The following ARAP1 variants were observed in gnomAD, a reference collection of about 807,000 sequenced individuals.
ARAP1 encodes the protein ArfGAP with RhoGAP domain, ankyrin repeat and PH domain 1.
In ARAP1, 76 loss-of-function variants were observed where a neutral mutation model predicts 172.2. That is an observed-to-expected ratio of 0.44 (90% CI 0.37 to 0.53). The LOEUF (loss-of-function observed/expected upper bound fraction) is 0.53. Ranked by LOEUF, ARAP1 falls within the 20% of genes least tolerant of loss-of-function variation. The pLI is 0.00. For synonymous variants in ARAP1, 804 were observed against 803.3 expected (o/e 1.00, Z -0.01); for missense variants, 1,686 against 1,977.5 (o/e 0.85, Z 2.80).
In ARAP1 at chr11:72,710,564, C is replaced by A; in HGVS notation, c.1237G>T (p.Ala413Ser). The change falls in exon 10 of 35, where the codon GCC (alanine) becomes TCC (serine). Residue 413 changes from alanine to serine, a missense_variant. Transcript: ENST00000393609. The surrounding 1 kb of genome is among the most constrained non-coding windows in gnomAD (Gnocchi z 4.3). ...TGCTCAGCCATGGCCTGCTGCAGGG[C>A]CTGCATCCACTCCTTCCGCTCCACT... ...SDVERKEWMQ[A>S]LQQAMAEQRA... 1.2e-6 allele frequency: 2 copies of A among 1,609,284 alleles called. No homozygotes were observed. Among genetic ancestry groups the A allele is most frequent in the Non-Finnish European group, 1.7e-6 (2 of 1,179,708 alleles).
Position 72,710,656 on chromosome 11 carries a change from G to A in ARAP1, c.1214-69C>T, listed in dbSNP as rs1856973660. On this transcript the variant is annotated intron_variant, in intron 9 of 34. Coordinates refer to ENST00000393609, the MANE Select transcript of ARAP1 (RefSeq NM_001040118.3). This position sits in a 1 kb window ranked among gnomAD's most constrained non-coding sequence, Gnocchi z 4.3. ...CCCCTCAGGGGTCTCCTGGCCCTAG[G>A]CTCCTCATGCAACACCTCCTCCAGA... The A allele has an allele frequency of 6.9e-7, 1 of 1,456,022 alleles. No homozygotes were observed. Among genetic ancestry groups the A allele is most frequent in the Non-Finnish European group, 9.2e-7 (1 of 1,091,468 alleles). The allele number at this position is 1,456,022 out of a possible 1,614,324, so 90.2% of individuals were successfully genotyped here.
At chr11:72,747,828 C>A (rs980154061) in intron 1 of ARAP1, among the ~76,000 whole-genome samples, 4 of 152,188 alleles carry the variant, frequency 2.6e-5, no homozygotes, top group African/African-American at 7.2e-5. Context: ...GCAGGATACC[C>A]CTGTACCCTT....
intron 1 of ARAP1, among the ~76,000 whole-genome samples, chr11:72,745,548 C>G (rs936637227): frequency 6.6e-6 from 1 of 151,804 alleles, no homozygotes; most frequent in African/African-American, 2.4e-5. Context: ...TTGCCCAGCT[C>G]ACACATCAAG....
intron 1 of ARAP1, among the ~76,000 whole-genome samples, chr11:72,742,519 A>T (rs1196684967): frequency 6.6e-6 from 1 of 152,112 alleles, no homozygotes; most frequent in Non-Finnish European, 1.5e-5. Flanking sequence ...AGGCCCAGGG[A>T]GGAGAAGGGG....
At position 72,701,789 on chromosome 11, in the gene ARAP1, TA is replaced by T; in HGVS notation, c.2168-7del. 5.0e-6 allele frequency: 8 copies of T among 1,612,892 alleles called. No individual in the cohort carries two copies. The highest frequency in any genetic ancestry group is 5.9e-6 in the Non-Finnish European group (7 of 1,179,272). On this transcript the variant is annotated splice_region_variant and splice_polypyrimidine_tract_variant and intron_variant, in intron 15 of 34. Transcript: ENST00000393609. Reference sequence around the variant, plus strand: ...CGAGTCCAGCCGAGGCACCTCTTTGTAGGCGGGGAAAGGATGGCAGGTCATG... The same window carrying T: ...CGAGTCCAGCCGAGGCACCTCTTTGTGGCGGGGAAAGGATGGCAGGTCATG...
chr11:72,697,290 G>A, intron 21 of ARAP1, 33 bp downstream of exon 21: 1 of 1,573,424 alleles, frequency 6.4e-7, no homozygotes. Context: ...TCTCCGGGAG[G>A]GGCGGGGCTG....
intron 3 of ARAP1, among the ~76,000 whole-genome samples, chr11:72,723,172 G>A (rs1480348718): frequency 3.3e-5 from 5 of 152,124 alleles, no homozygotes; most frequent in Non-Finnish European, 7.4e-5. Flanking sequence ...GCCAGGTGTG[G>A]TAGCACACAC....
At chr11:72,724,441 A>C (rs1219139609) in intron 3 of ARAP1, among the ~76,000 whole-genome samples, 2 of 152,102 alleles carry the variant, frequency 1.3e-5, no homozygotes, top group East Asian at 3.9e-4. Flanking sequence ...GGACTCCCAC[A>C]AGGCGGGGGT....
rs759622826 is a variant in ARAP1, at chr11:72,710,346, G to A, written c.1416+39C>T. 1.6e-5 allele frequency: 25 copies of A among 1,608,332 alleles called. No individual in the cohort carries two copies. The Admixed American group carries it at 1.7e-4, about 11-fold the overall frequency. On this transcript the variant is annotated intron_variant, in intron 10 of 34. Coordinates refer to ENST00000393609, the MANE Select transcript of ARAP1 (RefSeq NM_001040118.3). The surrounding 1 kb of genome is among the most constrained non-coding windows in gnomAD (Gnocchi z 4.3). ...TAGGTCAGCCTGGGGCAGGGTAGGT[G>A]GACATGGGCAGGGGAGAGGTTCCAT... is the stretch of plus-strand genomic sequence containing the variant.
chr11:72,696,709 C>T lies in ARAP1; in HGVS notation c.3167-55G>A, dbSNP rs917711321. ...ACCCCCTGTAACTATCTTCCCCCCACCCCGCCTGGGCTGCTGTGCCTCTCA... is the reference window on the plus strand; with the variant it reads ...ACCCCCTGTAACTATCTTCCCCCCATCCCGCCTGGGCTGCTGTGCCTCTCA... On this transcript the variant is annotated intron_variant, in intron 22 of 34. Transcript: ENST00000393609. The T allele has an allele frequency of 1.4e-5, 20 of 1,453,786 alleles. No individual in the cohort carries two copies. The East Asian group carries it at 4.5e-4, about 32-fold the overall frequency. The allele number at this position is 1,453,786 out of a possible 1,614,324, so 90.1% of individuals were successfully genotyped here.
At chr11:72,698,170 C>T in intron 18 of ARAP1, 64 bp from the exon 19 acceptor site, 2 of 1,485,744 alleles carry the variant, frequency 1.3e-6, no homozygotes, top group Non-Finnish European at 1.8e-6. Flanking sequence ...AATGCCCCAG[C>T]TCCTTGGCTT....
chr11:72,691,343 C>T (rs1467854085), intron 30 of ARAP1, among the ~76,000 whole-genome samples: 1 of 152,152 alleles, frequency 6.6e-6, no homozygotes, highest in East Asian at 1.9e-4. Context: ...CTTCCATGCC[C>T]AGGGATCCAC....
At chr11:72,737,654 A>T (rs1419086235) in intron 1 of ARAP1, among the ~76,000 whole-genome samples, 1 of 147,950 alleles carries the variant, frequency 6.8e-6, no homozygotes. Context: ...AAACAGGGTC[A>T]CTCTGTCACC....
rs767181167 is a variant in ARAP1 at position 72,710,025 on chromosome 11, G to A, written c.1417-49C>T. The A allele has an allele frequency of 1.0e-5, 16 of 1,526,500 alleles. No homozygotes were observed. The highest frequency in any genetic ancestry group is 6.8e-5 in the East Asian group (3 of 44,394). 94.6% of individuals were successfully genotyped at this position (1,526,500 alleles called of 1,614,324 possible). ...GAGGGCAAGGCTTTGGGGGCAGGGC[G>A]TGAGGCTTGGGACAGGGAGAGGAAG... On this transcript the variant is annotated intron_variant, in intron 10 of 34. Coordinates refer to ENST00000393609, the MANE Select transcript of ARAP1 (RefSeq NM_001040118.3). This position sits in a 1 kb window ranked among gnomAD's most constrained non-coding sequence, Gnocchi z 4.3.
Position 72,741,831 on chromosome 11 carries a change from G to A in ARAP1, c.-127-9234C>T, listed in dbSNP as rs534009830. ...CTGCCCCAAGAGGGAAGGGGAGGCC[G>A]CCAACTGACTCCTCTGTGAGCTCAC... On this transcript the variant is annotated intron_variant, in intron 1 of 34. Transcript: ENST00000393609. The surrounding 1 kb of genome is among the most constrained non-coding windows in gnomAD (Gnocchi z 4.5). Among the ~76,000 whole-genome samples, 5 of 152,194 alleles carry A rather than the reference G, an allele frequency of 3.3e-5. No individual in the cohort carries two copies. The highest frequency in any genetic ancestry group is 3.4e-3 in the Middle Eastern group (1 of 294).
chr11:72,731,477 C>T (rs534390699), intron 2 of ARAP1, among the ~76,000 whole-genome samples: 24 of 152,308 alleles, frequency 1.6e-4, no homozygotes, highest in East Asian at 5.8e-4. Flanking sequence ...TGCCTGCTCC[C>T]GCTTTGCCTT....
At chr11:72,706,017 G>C (rs1421232827) in intron 12 of ARAP1, 127 bp from the exon 13 acceptor site, 2 of 819,912 alleles carry the variant, frequency 2.4e-6, no homozygotes, top group Admixed American at 5.0e-5. Flanking sequence ...GGGTAGGCCT[G>C]CTGGCAGCTC....
chr11:72,734,197 T>G (rs564783255), intron 1 of ARAP1, among the ~76,000 whole-genome samples: 1 of 152,226 alleles, frequency 6.6e-6, no homozygotes, highest in South Asian at 2.1e-4. Context: ...CATAGCTTAC[T>G]GCAACTTCCA....
rs762861643 is a variant in ARAP1 at position 72,685,967 on chromosome 11, A to G, written c.4335+75T>C. 8.1e-6 allele frequency: 13 copies of G among 1,607,954 alleles called. No individual in the cohort carries two copies. In the South Asian group the frequency reaches 1.4e-4, roughly 18 times the overall value. Reference sequence around the variant, plus strand: ...ATCGGGGAGGGCAATCAGGGCAATCATCTACTGTGGAGTAGAAGGCAGGCA... The same window carrying G: ...ATCGGGGAGGGCAATCAGGGCAATCGTCTACTGTGGAGTAGAAGGCAGGCA... On this transcript the variant is annotated intron_variant, in intron 34 of 34. Transcript: ENST00000393609.
Sources: gnomAD v4.1 joint callset for allele counts (sites outside exome capture counted in the v4.1 genomes callset) on GRCh38, gnomAD v4.1.1 for gene constraint, Gnocchi (gnomAD v3.1) non-coding constraint, MANE v1.5 for transcripts, NCBI Gene and HGNC (gene_info 2026-07-23, HGNC 2026-07-21) for gene names.